CTNND2: variants seen among roughly 807,000 people sequenced by gnomAD.
The protein encoded by CTNND2 is catenin delta-2.
In CTNND2, 22 loss-of-function variants were observed where a neutral mutation model predicts 144.4. That is an observed-to-expected ratio of 0.15 (90% confidence interval 0.11 to 0.22). The LOEUF is 0.22. CTNND2 is among the 10% of genes least tolerant of loss of function. CTNND2 has a pLI of 1.00. For synonymous variants in CTNND2, 751 were observed against 695.6 expected (o/e 1.08, Z -1.25); for missense variants, 1,353 against 1,618.8 (o/e 0.84, Z 2.82).
At chr5:11,373,042 T>G (rs1210420269) in intron 7 of CTNND2, among the ~76,000 whole-genome samples, 1 of 152,226 alleles carries the variant, frequency 6.6e-6, no homozygotes, top group Admixed American at 6.5e-5. Flanking sequence ...ACACTGGCAA[T>G]GCAGGTGCTC....
At chr5:11,449,801 G>C (rs1334730559) in intron 3 of CTNND2, among the ~76,000 whole-genome samples, 1 of 152,132 alleles carries the variant, frequency 6.6e-6, no homozygotes. Flanking sequence ...AGTGAAGATA[G>C]TTTCTATCTC....
At chr5:11,168,452 T>G (rs1454529044) in intron 11 of CTNND2, among the ~76,000 whole-genome samples, 5 of 152,212 alleles carry the variant, frequency 3.3e-5, no homozygotes, top group Non-Finnish European at 7.3e-5. Context: ...ATTTTATAAA[T>G]GAACCATAGA....
chr5:11,830,447 C>G (rs1198660138), intron 1 of CTNND2, among the ~76,000 whole-genome samples: 1 of 152,180 alleles, frequency 6.6e-6, no homozygotes, highest in African/African-American at 2.4e-5. Flanking sequence ...TAATAAGTCT[C>G]ATGAGATCTG....
chr5:11,898,377 A>C (rs921804123), intron 1 of CTNND2, among the ~76,000 whole-genome samples: 1 of 152,224 alleles, frequency 6.6e-6, no homozygotes, highest in Admixed American at 6.5e-5. Context: ...GCATTTGTAC[A>C]TTATAAGGAG....
In CTNND2 at chr5:11,210,096, T is replaced by C. The variant is rs574587396; in HGVS notation, c.1762-10435A>G. ...GATAGAGTGTGACACTGGGTAGTTT[T>C]ATAGAGATAATTTAAATAAAGATAT... On this transcript the variant is annotated intron_variant, in intron 10 of 21. Coordinates refer to ENST00000304623, the MANE Select transcript of CTNND2 (RefSeq NM_001332.4). Among the ~76,000 whole-genome samples, 11 of 152,284 alleles carry C rather than the reference T, an allele frequency of 7.2e-5. No homozygotes were observed. The South Asian group carries it at 2.1e-3, about 29-fold the overall frequency.
chr5:11,765,987 A>T (rs4276409), intron 1 of CTNND2, among the ~76,000 whole-genome samples: 130,438 of 152,156 alleles, frequency 0.86, 58,853 homozygotes, highest in South Asian at 0.99. Context: ...TTTCTAAAAT[A>T]CATGCCATGA....
chr5:11,259,654 T>A (rs1744660172), intron 9 of CTNND2, among the ~76,000 whole-genome samples: 1 of 152,232 alleles, frequency 6.6e-6, no homozygotes. Context: ...GAAGAGCTTT[T>A]GCTATGTTGT....
At chr5:11,428,747 C>A (rs1336695222) in intron 3 of CTNND2, among the ~76,000 whole-genome samples, 1 of 151,844 alleles carries the variant, frequency 6.6e-6, no homozygotes, top group African/African-American at 2.4e-5. Context: ...TTGTCTGTGA[C>A]AAAAAGCGAC....
intron 6 of CTNND2, among the ~76,000 whole-genome samples, chr5:11,395,932 A>G (rs1561331077): frequency 2.0e-5 from 3 of 152,220 alleles, no homozygotes; most frequent in African/African-American, 4.8e-5. Context: ...GTGGCCTGCC[A>G]GGTGCTCCTG....
At chr5:11,644,440 C>A (rs527427968) in intron 2 of CTNND2, among the ~76,000 whole-genome samples, 2 of 152,224 alleles carry the variant, frequency 1.3e-5, no homozygotes, top group East Asian at 3.9e-4. Flanking sequence ...CCTGGGAGGC[C>A]AAGACGGGTG....
intron 9 of CTNND2, among the ~76,000 whole-genome samples, chr5:11,242,555 G>C (rs1044724813): frequency 6.6e-6 from 1 of 152,204 alleles, no homozygotes; most frequent in African/African-American, 2.4e-5. Context: ...GGCGCTGCTG[G>C]CATCCAGTGG....
At chr5:11,502,646 T>C (rs1294703287) in intron 3 of CTNND2, among the ~76,000 whole-genome samples, 2 of 152,176 alleles carry the variant, frequency 1.3e-5, no homozygotes, top group African/African-American at 4.8e-5. Context: ...TCCCTGTTCA[T>C]AACAATCACC....
At chr5:11,497,206 T>C (rs542056037) in intron 3 of CTNND2, among the ~76,000 whole-genome samples, 1 of 151,914 alleles carries the variant, frequency 6.6e-6, no homozygotes, top group East Asian at 1.9e-4. Flanking sequence ...TCTAATCATA[T>C]TGATTCACTC....
At chr5:11,847,128 TTATA>T (rs56978156) in intron 1 of CTNND2, among the ~76,000 whole-genome samples, 4,438 of 71,534 alleles carry the variant, frequency 0.062, 122 homozygotes, top group Admixed American at 0.077. Flanking sequence ...GTCAAAGATT[TTATA>T]TATATATATA....
chr5:11,727,046 A>G (rs545891904), intron 2 of CTNND2, among the ~76,000 whole-genome samples: 61 of 152,332 alleles, frequency 4.0e-4, no homozygotes, highest in African/African-American at 1.4e-3. Flanking sequence ...TTATTCACCC[A>G]TAACTGGAAC....
chr5:11,375,569 T>C (rs1757850387), intron 7 of CTNND2, among the ~76,000 whole-genome samples: 1 of 152,188 alleles, frequency 6.6e-6, no homozygotes, highest in South Asian at 2.1e-4. Context: ...GTTCAATTAG[T>C]TATTGGGTTA....
intron 2 of CTNND2, among the ~76,000 whole-genome samples, chr5:11,719,839 C>T (rs1405224522): frequency 1.0e-4 from 9 of 90,170 alleles, no homozygotes; most frequent in African/African-American, 4.0e-4. Flanking sequence ...CATATACACA[C>T]ACACACACAC....
At chr5:11,505,540 C>T (rs543330443) in intron 3 of CTNND2, among the ~76,000 whole-genome samples, 3 of 152,278 alleles carry the variant, frequency 2.0e-5, no homozygotes, top group East Asian at 1.9e-4. Flanking sequence ...TAAGAACAAG[C>T]GCTTCTGTTT....
intron 9 of CTNND2, among the ~76,000 whole-genome samples, chr5:11,259,252 ATCTC>A (rs1744601971): frequency 6.6e-6 from 1 of 152,050 alleles, no homozygotes. Context: ...TTTAAAATCA[ATCTC>A]TCTCTTTCTC....
Sources: gnomAD v4.1 joint callset for allele counts (sites outside exome capture counted in the v4.1 genomes callset) on GRCh38, gnomAD v4.1.1 for gene constraint, MANE v1.5 for transcripts, NCBI Gene and HGNC (gene_info 2026-07-23, HGNC 2026-07-21) for gene names.